PRDX1: variants seen among roughly 807,000 people sequenced by gnomAD.
PRDX1 encodes peroxiredoxin 1, also known as peroxiredoxin-1.
A neutral mutation model predicts 20.7 loss-of-function variants in PRDX1; 19 were observed. That is an observed-to-expected ratio of 0.92 (90% CI 0.64 to 1.35). The LOEUF is 1.35. PRDX1 is among the 40% of genes most tolerant of loss of function. The pLI, the probability that PRDX1 is intolerant of heterozygous loss-of-function variation, is 0.00. For missense variants in PRDX1, 226 were observed against 240.0 expected, an observed-to-expected ratio of 0.94 and a Z score of 0.38; for synonymous variants, 89 against 83.9, an observed-to-expected ratio of 1.06 and a Z score of -0.33.
intron 2 of PRDX1, 21 bp from the exon 3 acceptor site, chr1:45,515,828 A>G: frequency 6.5e-7 from 1 of 1,540,810 alleles, no homozygotes; most frequent in Non-Finnish European, 8.7e-7. Context: ...AATCGGAGTC[A>G]TGGTTAGCAT....
At chr1:45,522,063 T>C (rs1314356328), upstream of PRDX1, 2 of 152,290 alleles carry the variant, frequency 1.3e-5, no homozygotes, top group East Asian at 1.9e-4. Context: ...AAAATACTAA[T>C]ACCCCACCCT....
intron 2 of PRDX1, 68 bp from the exon 3 acceptor site, chr1:45,515,875 A>G (rs1268978558): frequency 1.4e-6 from 2 of 1,419,206 alleles, no homozygotes; most frequent in Admixed American, 2.7e-5. Context: ...TTTCCTATAC[A>G]AAAAGAAGCA....
rs888201814 is a variant in PRDX1 at position 45,519,990 on chromosome 1, G to A, written c.-11-936C>T. 3.9e-5 allele frequency among the ~76,000 whole-genome samples: 6 copies of A among 152,032 alleles called. No individual in the cohort carries two copies. In the East Asian group the frequency reaches 7.8e-4, roughly 20 times the overall value. On this transcript the variant is annotated intron_variant, in intron 1 of 5. Coordinates refer to ENST00000319248, the MANE Select transcript of PRDX1 (RefSeq NM_181697.3). ...GAGAGGCTCAGGCGGGCGGATCACC[G>A]GGTCAGGAGTTCGAGACCAGTCTGG...
chr1:45,515,840 T>A (rs2356559), intron 2 of PRDX1, 33 bp from the exon 3 acceptor site: 5 of 1,525,658 alleles, frequency 3.3e-6, no homozygotes, highest in Non-Finnish European at 4.4e-6. Context: ...GGTTAGCATT[T>A]GACACAGACT....
chr1:45,518,281 G>A (rs1643878486), intron 2 of PRDX1, among the ~76,000 whole-genome samples: 1 of 151,860 alleles, frequency 6.6e-6, no homozygotes, highest in East Asian at 1.9e-4. Context: ...TGACCACCAT[G>A]GAGAAACCCC....
chr1:45,519,142 ACAAT>A, intron 1 of PRDX1, 88 bp from the exon 2 acceptor site: 2 of 888,272 alleles, frequency 2.3e-6, no homozygotes, highest in South Asian at 3.5e-5. Flanking sequence ...TTAGCTGTAA[ACAAT>A]CAAGGCATTG....
At position 45,511,157 on chromosome 1, in the gene PRDX1, C is replaced by G; in HGVS notation, c.*172G>C. On this transcript the variant is annotated 3_prime_UTR_variant, in exon 6 of 6. Transcript: ENST00000319248. ...CAACGCCAACTCAGGCCATTCCTAC[C>G]AAAGGAAGAAAGGCTGGTCTCTCCA... 3.4e-6 allele frequency: 2 copies of G among 584,788 alleles called. No homozygotes were observed. The highest frequency in any genetic ancestry group is 6.0e-6 in the Non-Finnish European group (2 of 335,078). The allele number at this position is 584,788 out of a possible 1,614,324, so 36.2% of individuals were successfully genotyped here.
intron 2 of PRDX1, among the ~76,000 whole-genome samples, chr1:45,518,616 C>T (rs940743065): frequency 6.6e-6 from 1 of 152,074 alleles, no homozygotes; most frequent in African/African-American, 2.4e-5. Context: ...CGCCACTGCA[C>T]TCCAGCCTGG....
At chr1:45,522,280 C>T (rs1643921867), upstream of PRDX1, among the ~76,000 whole-genome samples, 1 of 152,246 alleles carries the variant, frequency 6.6e-6, no homozygotes, top group African/African-American at 2.4e-5. Context: ...GCCATGAGAA[C>T]TGTCTATCCA....
Position 45,511,231 on chromosome 1 carries a change from T to G in PRDX1, c.*98A>C. 1 of 1,039,204 alleles carries G rather than the reference T, an allele frequency of 9.6e-7. No homozygotes were observed. Among genetic ancestry groups the G allele is most frequent in the Non-Finnish European group, 1.4e-6 (1 of 707,780 alleles). The allele number at this position is 1,039,204 out of a possible 1,614,324, so 64.4% of individuals were successfully genotyped here. On this transcript the variant is annotated 3_prime_UTR_variant, in exon 6 of 6. Transcript: ENST00000319248. ...TGTAAGACACCACAATTCGGCTGAA[T>G]CTGAAGTCTTGTGTTTTACTAATGG...
At chr1:45,520,161 C>T (rs1270397649) in intron 1 of PRDX1, among the ~76,000 whole-genome samples, 6 of 145,190 alleles carry the variant, frequency 4.1e-5, no homozygotes, top group African/African-American at 1.3e-4. Flanking sequence ...GCTGAGATCG[C>T]GCCACTGCAC....
Position 45,520,205 on chromosome 1 carries a change from C to CAAAAAAAAAAAAAAAAA in PRDX1, c.-11-1168_-11-1152dup, listed in dbSNP as rs59260423. Among the ~76,000 whole-genome samples, 71 of 91,022 alleles carry CAAAAAAAAAAAAAAAAA rather than the reference C, an allele frequency of 7.8e-4. 2 individuals are homozygous for CAAAAAAAAAAAAAAAAA. The highest frequency in any genetic ancestry group is 2.9e-3 in the African/African-American group (64 of 21,934). The allele number at this position is 91,022 out of a possible 152,430, so 59.7% of individuals were successfully genotyped here. ...GGGCAACAGAGTGAGACTCTGTCTC[C>CAAAAAAAAAAAAAAAAA]AAAAAAAAAAAAAAAAAAAAGAGGC... On this transcript the variant is annotated intron_variant, in intron 1 of 5. Coordinates refer to ENST00000319248, the MANE Select transcript of PRDX1 (RefSeq NM_181697.3).
At chr1:45,515,362 G>A (rs939262060) in intron 3 of PRDX1, among the ~76,000 whole-genome samples, 2 of 152,118 alleles carry the variant, frequency 1.3e-5, no homozygotes, top group African/African-American at 2.4e-5. Context: ...CACTTTGGGA[G>A]GCTGAGGTGG....
intron 2 of PRDX1, among the ~76,000 whole-genome samples, chr1:45,516,792 C>T (rs535823327): frequency 2.2e-4 from 33 of 151,998 alleles, no homozygotes; most frequent in African/African-American, 7.0e-4. Flanking sequence ...GAGGCCGAGG[C>T]GGGTGGATCA....
intron 5 of PRDX1, chr1:45,512,069 C>CTTTTTTTTTTTTTTTTTTTTTTTTTT (rs869087041): frequency 1.5e-5 from 1 of 66,922 alleles, no homozygotes; most frequent in Non-Finnish European, 2.6e-5. Context: ...TCTTATTTTT[C>CTTTTTTTTTTTTTTTTTTTTTTTTTT]TTTTTTTTTT....
At chr1:45,518,199 A>G (rs1028023631) in intron 2 of PRDX1, among the ~76,000 whole-genome samples, 3 of 152,006 alleles carry the variant, frequency 2.0e-5, no homozygotes, top group Non-Finnish European at 4.4e-5. Flanking sequence ...GTGGTGGCTC[A>G]TGCCTGTAAT....
At position 45,515,894 on chromosome 1, in the gene PRDX1, G is replaced by A. The variant is rs1039629416; in HGVS notation, c.107-87C>T. 6 of 1,309,160 alleles carry A rather than the reference G, an allele frequency of 4.6e-6. No homozygotes were observed. In the African/African-American group the frequency reaches 7.7e-5, roughly 17 times the overall value. 81.1% of individuals were successfully genotyped at this position (1,309,160 alleles called of 1,614,324 possible). A position where few individuals can be genotyped will look rare whatever the true frequency, so the allele number is the denominator to read the frequency against. On this transcript the variant is annotated intron_variant, in intron 2 of 5. Transcript: ENST00000319248. ...CTATACAAAAAGAAGCAAGTTGATGGCTGACACAATAACCACTAACTGCCA... is the reference window on the plus strand; with the variant it reads ...CTATACAAAAAGAAGCAAGTTGATGACTGACACAATAACCACTAACTGCCA...
chr1:45,514,423 A>C, intron 5 of PRDX1, 84 bp downstream of exon 5: 1 of 1,507,602 alleles, frequency 6.6e-7, no homozygotes. Flanking sequence ...ATTCCACCTA[A>C]CGAGAAACAC....
Position 45,515,572 on chromosome 1 carries a change from C to A in PRDX1, c.260+82G>T, listed in dbSNP as rs1254659960. ...GGAGATCACACCACTGCACTCCAGCCTGGGCGACAAAGCAAGACTCCATCT... is the reference window on the plus strand; with the variant it reads ...GGAGATCACACCACTGCACTCCAGCATGGGCGACAAAGCAAGACTCCATCT... On this transcript the variant is annotated intron_variant, in intron 3 of 5. Coordinates refer to ENST00000319248, the MANE Select transcript of PRDX1 (RefSeq NM_181697.3). The A allele has an allele frequency of 9.5e-6, 13 of 1,361,510 alleles. No homozygotes were observed. In the Admixed American group the frequency reaches 1.1e-4, roughly 12 times the overall value. The allele number at this position is 1,361,510 out of a possible 1,614,324, so 84.3% of individuals were successfully genotyped here.
Sources: gnomAD v4.1 joint callset for allele counts (sites outside exome capture counted in the v4.1 genomes callset) on GRCh38, gnomAD v4.1.1 for gene constraint, MANE v1.5 for transcripts, NCBI Gene and HGNC (gene_info 2026-07-23, HGNC 2026-07-21) for gene names.